The following BRINP1 variants were observed in gnomAD, a reference collection of about 807,000 sequenced individuals.
BRINP1 encodes BMP/retinoic acid inducible neural specific 1.
BRINP1 carries 17 observed loss-of-function variants against 72.9 expected under a neutral mutation model. The ratio of observed to expected loss-of-function variants is 0.23; its 90% confidence interval spans 0.16 to 0.35. The LOEUF (loss-of-function observed/expected upper bound fraction) is 0.35. Ranked by LOEUF, BRINP1 falls within the 10% of genes least tolerant of loss-of-function variation. The pLI is 1.00. For missense variants in BRINP1, 850 were observed against 1,001.6 expected (o/e 0.85, Z 2.04); for synonymous variants, 418 against 378.5 (o/e 1.10, Z -1.21).
chr9:119,267,807 C>T (rs1422786883), intron 2 of BRINP1, among the ~76,000 whole-genome samples: 2 of 152,032 alleles, frequency 1.3e-5, no homozygotes, highest in East Asian at 1.9e-4. Context: ...ACCATAGGCA[C>T]AGATAGATAG....
Position 119,220,292 on chromosome 9 carries a change from A to G in BRINP1, c.686-6137T>C, listed in dbSNP as rs1830026910. On this transcript the variant is annotated intron_variant, in intron 5 of 7. Transcript: ENST00000265922. ...GGACCCTCAAGTTGGATCTCTGGAG[A>G]CCTTCAACAACATTGATGATATTGC... Among the ~76,000 whole-genome samples, 4 of 152,104 alleles carry G rather than the reference A, an allele frequency of 2.6e-5. No homozygotes were observed. The South Asian group carries it at 6.2e-4, about 24-fold the overall frequency.
rs1449449991 is a variant in BRINP1, at chr9:119,369,056, C to T, written c.-51G>A. ...GGCGCTGCACCCGGCGCCGCCTTACCTGGAGTCAATGTCCGTCTTTGGCGG... is the reference window on the plus strand; with the variant it reads ...GGCGCTGCACCCGGCGCCGCCTTACTTGGAGTCAATGTCCGTCTTTGGCGG... On this transcript the variant is annotated splice_region_variant and 5_prime_UTR_variant, in exon 1 of 8. Coordinates refer to ENST00000265922, the MANE Select transcript of BRINP1 (RefSeq NM_014618.3). 7.6e-6 allele frequency: 3 copies of T among 395,368 alleles called. No homozygotes were observed. Among genetic ancestry groups the T allele is most frequent in the Non-Finnish European group, 1.3e-5 (3 of 224,316 alleles). The allele number at this position is 395,368 out of a possible 1,614,324, so 24.5% of individuals were successfully genotyped here.
intron 5 of BRINP1, among the ~76,000 whole-genome samples, chr9:119,234,740 G>T (rs1167711844): frequency 2.0e-5 from 3 of 151,922 alleles, no homozygotes. Context: ...TATTTTAGAA[G>T]TACTTTTGTT....
At chr9:119,284,410 T>C (rs1387653310) in intron 2 of BRINP1, among the ~76,000 whole-genome samples, 2 of 152,182 alleles carry the variant, frequency 1.3e-5, no homozygotes, top group African/African-American at 2.4e-5. Flanking sequence ...CCTAGCTCTG[T>C]GTTTGGCAAA....
chr9:119,327,612 T>C (rs1035205753), intron 1 of BRINP1, among the ~76,000 whole-genome samples: 2 of 152,116 alleles, frequency 1.3e-5, no homozygotes, highest in Non-Finnish European at 1.5e-5. Context: ...GAGGACACTA[T>C]AGATTATACA....
intron 2 of BRINP1, among the ~76,000 whole-genome samples, chr9:119,288,709 T>A (rs924482218): frequency 1.3e-5 from 2 of 152,208 alleles, no homozygotes; most frequent in Non-Finnish European, 1.5e-5. Flanking sequence ...ACATAGTAGG[T>A]GCTCACTAAA....
At chr9:119,177,912 A>G (rs1829507491) in intron 7 of BRINP1, among the ~76,000 whole-genome samples, 1 of 152,166 alleles carries the variant, frequency 6.6e-6, no homozygotes, top group South Asian at 2.1e-4. Context: ...ATGATACAGC[A>G]AGAGGACTTA....
intron 2 of BRINP1, among the ~76,000 whole-genome samples, chr9:119,263,903 C>G (rs532008286): frequency 7.2e-5 from 11 of 152,206 alleles, no homozygotes; most frequent in Non-Finnish European, 1.3e-4. Context: ...CCACAGCGCC[C>G]GGCCAACAAT....
intron 1 of BRINP1, among the ~76,000 whole-genome samples, chr9:119,329,123 T>C (rs1831271676): frequency 6.6e-6 from 1 of 152,168 alleles, no homozygotes; most frequent in Non-Finnish European, 1.5e-5. Flanking sequence ...AAGAAACAGA[T>C]TGTTCTGGTG....
chr9:119,194,411 C>T (rs187339159), intron 7 of BRINP1, among the ~76,000 whole-genome samples: 1 of 152,186 alleles, frequency 6.6e-6, no homozygotes. Context: ...GTTCCAGGCT[C>T]TAATTCCCAG....
chr9:119,280,705 G>A lies in BRINP1; in HGVS notation c.219-31555C>T, dbSNP rs377559296. 9.9e-4 allele frequency among the ~76,000 whole-genome samples: 151 copies of A among 152,194 alleles called. 1 individual carries two copies. Among genetic ancestry groups the A allele is most frequent in the African/African-American group, 3.5e-3 (144 of 41,520 alleles). On this transcript the variant is annotated intron_variant, in intron 2 of 7. Coordinates refer to ENST00000265922, the MANE Select transcript of BRINP1 (RefSeq NM_014618.3). ...TTTATTTTGTTTGTTGAACGTCACT[G>A]TGTATGAGACACTCGGTATACAAAG...
chr9:119,271,832 GA>G (rs1274282618), intron 2 of BRINP1, among the ~76,000 whole-genome samples: 1 of 151,562 alleles, frequency 6.6e-6, no homozygotes, highest in Non-Finnish European at 1.5e-5. Context: ...TATTTCTGGA[GA>G]GAATTTGAGA....
chr9:119,298,275 A>G (rs1325823272), intron 2 of BRINP1, among the ~76,000 whole-genome samples: 3 of 152,196 alleles, frequency 2.0e-5, no homozygotes, highest in Non-Finnish European at 2.9e-5. Context: ...ATGACAGTGC[A>G]TGGTTTACCA....
chr9:119,270,234 G>A (rs1830593882), intron 2 of BRINP1, among the ~76,000 whole-genome samples: 1 of 152,156 alleles, frequency 6.6e-6, no homozygotes, highest in South Asian at 2.1e-4. Context: ...TGACCATGCT[G>A]GACCTCACTG....
intron 4 of BRINP1, 63 bp downstream of exon 4, chr9:119,241,984 A>T: frequency 6.6e-7 from 1 of 1,525,744 alleles, no homozygotes; most frequent in Non-Finnish European, 8.9e-7. Context: ...CACTCTCAGA[A>T]TGCCTGCATT....
chr9:119,292,934 G>T (rs188534059), intron 2 of BRINP1, among the ~76,000 whole-genome samples: 1 of 152,282 alleles, frequency 6.6e-6, no homozygotes, highest in East Asian at 1.9e-4. Flanking sequence ...TTTTCCCTGA[G>T]AAGATTACAG....
Position 119,275,266 on chromosome 9 carries a change from T to C in BRINP1, c.219-26116A>G, listed in dbSNP as rs187609018. Among the ~76,000 whole-genome samples, 12 of 152,346 alleles carry C rather than the reference T, an allele frequency of 7.9e-5. No homozygotes were observed. In the East Asian group the frequency reaches 2.3e-3, roughly 29 times the overall value. On this transcript the variant is annotated intron_variant, in intron 2 of 7. Coordinates refer to ENST00000265922, the MANE Select transcript of BRINP1 (RefSeq NM_014618.3). ...GGAATCCTTGTAATCAACCAGGAGA[T>C]ACTGTAGTTTGTTAACATCAAATCA...
intron 3 of BRINP1, among the ~76,000 whole-genome samples, chr9:119,242,817 T>C (rs1238330088): frequency 6.6e-6 from 1 of 152,206 alleles, no homozygotes; most frequent in Non-Finnish European, 1.5e-5. Flanking sequence ...TTTTCTTCTT[T>C]TAAGTTTTTC....
At chr9:119,225,370 A>G (rs559899201) in intron 5 of BRINP1, among the ~76,000 whole-genome samples, 324 of 151,356 alleles carry the variant, frequency 2.1e-3, no homozygotes, top group African/African-American at 7.3e-3. Flanking sequence ...CCACCCTCCC[A>G]CCACCCTCTG....
Sources: gnomAD v4.1 joint callset for allele counts (sites outside exome capture counted in the v4.1 genomes callset) on GRCh38, gnomAD v4.1.1 for gene constraint, MANE v1.5 for transcripts, NCBI Gene and HGNC (gene_info 2026-07-23, HGNC 2026-07-21) for gene names.